Variants in SRGAP1 observed in about 807,000 individuals in gnomAD.
SRGAP1 encodes the protein SLIT-ROBO Rho GTPase activating protein 1.
Under a neutral mutation model 121.9 loss-of-function variants are expected in SRGAP1, and 43 were observed. That is an observed-to-expected ratio of 0.35 (90% CI 0.28 to 0.46). The LOEUF is 0.46. Among genes scored for constraint, SRGAP1 ranks in the 20% least tolerant of loss-of-function variants. The pLI, the probability that SRGAP1 is intolerant of heterozygous loss-of-function variation, is 1.00. For missense variants in SRGAP1, 1,102 were observed against 1,350.9 expected (o/e 0.82, Z 2.89); for synonymous variants, 447 against 485.4 (o/e 0.92, Z 1.04).
intron 1 of SRGAP1, among the ~76,000 whole-genome samples, chr12:63,921,808 T>C (rs925870472): frequency 2.0e-5 from 3 of 152,178 alleles, no homozygotes; most frequent in African/African-American, 7.2e-5. Context: ...ATTGCTCAAA[T>C]ATCTGAATTG....
intron 1 of SRGAP1, among the ~76,000 whole-genome samples, chr12:63,950,916 G>A (rs1369769313): frequency 6.8e-6 from 1 of 146,520 alleles, no homozygotes; most frequent in Non-Finnish European, 1.5e-5. Context: ...TTATGCATTA[G>A]TTGCCCCACA....
At chr12:63,964,111 A>G (rs1227505191) in intron 1 of SRGAP1, among the ~76,000 whole-genome samples, 1 of 152,118 alleles carries the variant, frequency 6.6e-6, no homozygotes, top group Non-Finnish European at 1.5e-5. Flanking sequence ...AGCTTCAGCT[A>G]CCAGCCGGGT....
At chr12:64,123,034 A>C (rs766104324) in intron 18 of SRGAP1, among the ~76,000 whole-genome samples, 4 of 152,254 alleles carry the variant, frequency 2.6e-5, no homozygotes, top group Admixed American at 1.3e-4. Context: ...ATTGAATGTC[A>C]TTAAAGAATA....
At chr12:63,926,759 AC>A (rs1430275237) in intron 1 of SRGAP1, among the ~76,000 whole-genome samples, 3 of 152,166 alleles carry the variant, frequency 2.0e-5, no homozygotes, top group Non-Finnish European at 4.4e-5. Flanking sequence ...GACTATAGCC[AC>A]CCTGATGTAC....
Position 64,154,101 on chromosome 12 carries a change from AT to A in SRGAP1, c.*11430del, listed in dbSNP as rs2037145662. The A allele has an allele frequency of 6.6e-6, 1 of 152,220 alleles. No homozygotes were observed. The allele number at this position is 152,220 out of a possible 1,614,324, so 9.4% of individuals were successfully genotyped here. A position where few individuals can be genotyped will look rare whatever the true frequency, so the allele number is the denominator to read the frequency against. On this transcript the variant is annotated 3_prime_UTR_variant, in exon 22 of 22. Coordinates refer to ENST00000355086, the MANE Select transcript of SRGAP1 (RefSeq NM_020762.4). ...AGATATCTAAAGTAGTCAAACTCTT[AT>A]AAACAGAAAGCAGAATGGTGATTGC...
chr12:64,002,055 T>C (rs2033916219), intron 3 of SRGAP1, among the ~76,000 whole-genome samples: 1 of 152,234 alleles, frequency 6.6e-6, no homozygotes, highest in African/African-American at 2.4e-5. Flanking sequence ...TCCACTTCTT[T>C]TCCTTCAGTA....
At chr12:64,071,154 C>T (rs189156991) in intron 8 of SRGAP1, among the ~76,000 whole-genome samples, 3 of 152,214 alleles carry the variant, frequency 2.0e-5, no homozygotes, top group Admixed American at 6.5e-5. Flanking sequence ...CGTCTTTCAC[C>T]GCAAACACAC....
intron 1 of SRGAP1, among the ~76,000 whole-genome samples, chr12:63,885,299 C>T (rs765747538): frequency 1.2e-4 from 19 of 152,162 alleles, no homozygotes; most frequent in East Asian, 1.9e-4. Flanking sequence ...TAGGGAAACA[C>T]GCTTACTGGT....
At position 63,907,525 on chromosome 12, in the gene SRGAP1, G is replaced by A. The variant is rs1240291032; in HGVS notation, c.67+62642G>A. Among the ~76,000 whole-genome samples, 8 of 151,386 alleles carry A rather than the reference G, an allele frequency of 5.3e-5. 1 individual carries two copies. In the South Asian group the frequency reaches 1.7e-3, roughly 32 times the overall value. Reference sequence around the variant, plus strand: ...TGCACACCAGCCTGGGCAACAAGAGGGAAACTCCATCTCAAAAAAAAAAAT... The same window carrying A: ...TGCACACCAGCCTGGGCAACAAGAGAGAAACTCCATCTCAAAAAAAAAAAT... On this transcript the variant is annotated intron_variant, in intron 1 of 21. Transcript: ENST00000355086.
chr12:63,906,489 A>G lies in SRGAP1; in HGVS notation c.67+61606A>G, dbSNP rs528141308. Among the ~76,000 whole-genome samples, 41 of 151,478 alleles carry G rather than the reference A, an allele frequency of 2.7e-4. 2 individuals carry two copies. In the South Asian group the frequency reaches 7.9e-3, roughly 29 times the overall value. ...CCACCACGCCCGGCTAATTTTTTGT[A>G]TTTTTAGTAGAGACGGGGTTTCACC... On this transcript the variant is annotated intron_variant, in intron 1 of 21. Coordinates refer to ENST00000355086, the MANE Select transcript of SRGAP1 (RefSeq NM_020762.4).
At chr12:64,014,647 CT>C (rs1002635818) in intron 3 of SRGAP1, among the ~76,000 whole-genome samples, 3 of 113,118 alleles carry the variant, frequency 2.7e-5, no homozygotes, top group African/African-American at 4.0e-5. Context: ...TCATCTTGTC[CT>C]AAAGATATTT....
At chr12:63,983,831 TATATATATATATATATATA>T (rs1565981714) in intron 1 of SRGAP1, 97 bp from the exon 2 acceptor site, 2 of 116,074 alleles carry the variant, frequency 1.7e-5, no homozygotes, top group African/African-American at 8.2e-5. Context: ...TATATATATA[TATATATATATATATATATA>T]TATATTTATA....
chr12:63,963,087 T>C (rs111863024), intron 1 of SRGAP1, among the ~76,000 whole-genome samples: 4 of 152,324 alleles, frequency 2.6e-5, no homozygotes, highest in African/African-American at 9.6e-5. Context: ...TTGCTTACTT[T>C]CTAAGGGTAT....
chr12:63,940,063 G>A (rs2031810429), intron 1 of SRGAP1, among the ~76,000 whole-genome samples: 1 of 151,878 alleles, frequency 6.6e-6, no homozygotes, highest in African/African-American at 2.4e-5. Flanking sequence ...CCGGGTTCAA[G>A]CGATTCTCCT....
intron 21 of SRGAP1, among the ~76,000 whole-genome samples, chr12:64,133,106 A>T (rs1210080771): frequency 6.6e-6 from 1 of 152,164 alleles, no homozygotes; most frequent in Non-Finnish European, 1.5e-5. Context: ...CAAATGGGAG[A>T]GTTGAATGAG....
chr12:64,061,215 G>A (rs2035445312), intron 6 of SRGAP1, among the ~76,000 whole-genome samples: 1 of 151,798 alleles, frequency 6.6e-6, no homozygotes, highest in South Asian at 2.1e-4. Flanking sequence ...TATATTCCTA[G>A]GAATACTAAA....
At chr12:64,031,939 A>T (rs1428142145) in intron 4 of SRGAP1, among the ~76,000 whole-genome samples, 1 of 152,210 alleles carries the variant, frequency 6.6e-6, no homozygotes, top group Non-Finnish European at 1.5e-5. Context: ...CAGCAAAGCC[A>T]GGACCAAAAT....
Position 64,125,969 on chromosome 12 carries a change from C to T in SRGAP1, c.2225-8C>T, listed in dbSNP as rs1456974272. The T allele has an allele frequency of 5.0e-6, 8 of 1,612,658 alleles. No homozygotes were observed. In the African/African-American group the frequency reaches 5.3e-5, roughly 11 times the overall value. ...GTTTCTCGCTGTTTTCTGGTGTGTTCGTTGTAGAATGTGAGCCAATAGAAG... is the reference window on the plus strand; with the variant it reads ...GTTTCTCGCTGTTTTCTGGTGTGTTTGTTGTAGAATGTGAGCCAATAGAAG... On this transcript the variant is annotated splice_polypyrimidine_tract_variant and splice_region_variant and intron_variant, in intron 18 of 21. Coordinates refer to ENST00000355086, the MANE Select transcript of SRGAP1 (RefSeq NM_020762.4).
At chr12:63,887,575 C>T (rs889208615) in intron 1 of SRGAP1, 4 of 152,216 alleles carry the variant, frequency 2.6e-5, no homozygotes, top group Admixed American at 1.3e-4. Context: ...CTCCCTGACA[C>T]CTGTGCCACT....
Sources: gnomAD v4.1 joint callset for allele counts (sites outside exome capture counted in the v4.1 genomes callset) on GRCh38, gnomAD v4.1.1 for gene constraint, MANE v1.5 for transcripts, NCBI Gene and HGNC (gene_info 2026-07-23, HGNC 2026-07-21) for gene names.